Variants in INPP5F observed in about 807,000 individuals in gnomAD.
INPP5F encodes the protein phosphatidylinositide 4-phosphatase SAC2.
Under a neutral mutation model 137.2 loss-of-function variants are expected in INPP5F, and 97 were observed. The observed-to-expected ratio is 0.71, with a 90% CI of 0.60 to 0.84. The LOEUF is 0.84. Ranked by LOEUF, INPP5F falls within the 40% of genes least tolerant of loss-of-function variation. The probability of loss-of-function intolerance (pLI) is 0.00; values close to 1 mark genes in which losing one functional copy is unlikely to be tolerated. For synonymous variants in INPP5F, 504 were observed against 476.9 expected, an observed-to-expected ratio of 1.06 and a Z score of -0.74; for missense variants, 1,271 against 1,371.9, an observed-to-expected ratio of 0.93 and a Z score of 1.16.
chr10:119,732,647 A>G (rs1848114942), intron 1 of INPP5F, among the ~76,000 whole-genome samples: 1 of 151,128 alleles, frequency 6.6e-6, no homozygotes, highest in African/African-American at 2.4e-5. Flanking sequence ...ACTACAGGCT[A>G]CTGCCACCAT....
At chr10:119,753,552 C>G (rs1848747150) in intron 2 of INPP5F, among the ~76,000 whole-genome samples, 1 of 152,182 alleles carries the variant, frequency 6.6e-6, no homozygotes, top group South Asian at 2.1e-4. Context: ...CCTGGCCCCT[C>G]TCTCCATGTC....
intron 2 of INPP5F, among the ~76,000 whole-genome samples, chr10:119,775,132 G>C (rs562408030): frequency 3.3e-5 from 5 of 152,180 alleles, no homozygotes; most frequent in Admixed American, 1.3e-4. Context: ...TCTTCACTCA[G>C]ATTCTCTTTA....
chr10:119,775,617 T>G (rs1423620970), intron 2 of INPP5F, among the ~76,000 whole-genome samples: 2 of 152,114 alleles, frequency 1.3e-5, no homozygotes, highest in Non-Finnish European at 2.9e-5. Context: ...GGGTTTCTTC[T>G]TTACTTTCTA....
intron 2 of INPP5F, among the ~76,000 whole-genome samples, chr10:119,775,058 A>G (rs1849480076): frequency 6.6e-6 from 1 of 152,136 alleles, no homozygotes; most frequent in Non-Finnish European, 1.5e-5. Flanking sequence ...GTCATAATCT[A>G]AGTTCTCTAC....
In INPP5F at chr10:119,775,757, GCT is replaced by G. The variant is rs1219709971; in HGVS notation, c.179-5871_179-5870del. On this transcript the variant is annotated intron_variant, in intron 2 of 19. Transcript: ENST00000650623. ...TGGGTGGATTTGGTTTGATTATATT[GCT>G]CTCTCTACTTTTATGTATGTTTGAA... 3.0e-4 allele frequency among the ~76,000 whole-genome samples: 46 copies of G among 152,120 alleles called. 1 individual carries two copies. Among genetic ancestry groups the G allele is most frequent in the Admixed American group, 2.1e-3 (32 of 15,292 alleles).
rs35906079 is a variant in INPP5F, at chr10:119,746,783, A to ATT, written c.98-4276_98-4275dup. ...GATGACATGACATATAAGCAGCCAA[A>ATT]TTTTTTTTTTTTTTTTTTGAGACAG... On this transcript the variant is annotated intron_variant, in intron 1 of 19. Coordinates refer to ENST00000650623, the MANE Select transcript of INPP5F (RefSeq NM_014937.4). Among the ~76,000 whole-genome samples, 74 of 142,738 alleles carry ATT rather than the reference A, an allele frequency of 5.2e-4. 1 individual carries two copies. In the South Asian group the frequency reaches 8.5e-3, roughly 16 times the overall value. 93.6% of individuals were successfully genotyped at this position (142,738 alleles called of 152,430 possible).
In INPP5F at chr10:119,748,431, C is replaced by T. The variant is rs1032925682; in HGVS notation, c.98-2645C>T. On this transcript the variant is annotated intron_variant, in intron 1 of 19. Transcript: ENST00000650623. This position sits in a 1 kb window ranked among gnomAD's most constrained non-coding sequence, Gnocchi z 4.7. ...GGTGAGCAGGGGGCGTGTTTTGGTCCTGTTTGTGTTACAGCTTTTTCAGTC... is the reference window on the plus strand; with the variant it reads ...GGTGAGCAGGGGGCGTGTTTTGGTCTTGTTTGTGTTACAGCTTTTTCAGTC... 6.6e-6 allele frequency among the ~76,000 whole-genome samples: 1 copy of T among 152,186 alleles called. No homozygotes were observed. The highest frequency in any genetic ancestry group is 1.9e-4 in the East Asian group (1 of 5,190).
chr10:119,726,443 G>T, intron 1 of INPP5F, 84 bp downstream of exon 1: 1 of 764,222 alleles, frequency 1.3e-6, no homozygotes. Context: ...AGCCGGGCGG[G>T]AGGAGCCGCC....
intron 16 of INPP5F, 103 bp downstream of exon 16, chr10:119,821,020 T>TA: frequency 1.4e-6 from 1 of 733,102 alleles, no homozygotes; most frequent in Non-Finnish European, 2.4e-6. Context: ...ATGGTTTTGT[T>TA]ATGTATTTTA....
Position 119,791,842 on chromosome 10 carries a change from T to C in INPP5F, c.445-27T>C, listed in dbSNP as rs201822165. 2.0e-5 allele frequency: 30 copies of C among 1,522,092 alleles called. No homozygotes were observed. In the East Asian group the frequency reaches 6.8e-4, roughly 34 times the overall value. The allele number at this position is 1,522,092 out of a possible 1,614,324, so 94.3% of individuals were successfully genotyped here. On this transcript the variant is annotated intron_variant, in intron 4 of 19. Transcript: ENST00000650623. Reference sequence around the variant, plus strand: ...CAGACTACTTTACATTTAATTTCTGTAGTAATAGTAGATTAATTTCTTATA... The same window carrying C: ...CAGACTACTTTACATTTAATTTCTGCAGTAATAGTAGATTAATTTCTTATA...
intron 2 of INPP5F, among the ~76,000 whole-genome samples, chr10:119,779,534 C>T (rs1849636708): frequency 6.6e-6 from 1 of 151,996 alleles, no homozygotes; most frequent in African/African-American, 2.4e-5. Flanking sequence ...ATCCTCCTAC[C>T]TCAGCCTCCC....
In INPP5F at chr10:119,826,383, ATGC is replaced by A. The variant is rs1197662057; in HGVS notation, c.2250-243_2250-241del. Among the ~76,000 whole-genome samples, 22 of 152,336 alleles carry A rather than the reference ATGC, an allele frequency of 1.4e-4. 1 individual carries two copies. The highest frequency in any genetic ancestry group is 4.1e-4 in the African/African-American group (17 of 41,572). ...TTTTGTATATATTGGGTTAAATGAA[ATGC>A]TGCTAATTTCACTGCTGCTTTCTAA... On this transcript the variant is annotated intron_variant, in intron 19 of 19. Coordinates refer to ENST00000650623, the MANE Select transcript of INPP5F (RefSeq NM_014937.4).
At chr10:119,822,923 C>A in intron 17 of INPP5F, 148 bp from the exon 18 acceptor site, 1 of 689,816 alleles carries the variant, frequency 1.4e-6, no homozygotes, top group Non-Finnish European at 2.3e-6. Flanking sequence ...GTTCTTCTAG[C>A]CTTATCAAAC....
At chr10:119,772,804 C>T (rs1849405681) in intron 2 of INPP5F, among the ~76,000 whole-genome samples, 2 of 151,710 alleles carry the variant, frequency 1.3e-5, no homozygotes, top group African/African-American at 2.4e-5. Context: ...AGTGCAGTGG[C>T]GCAATCTTGG....
chr10:119,800,433 G>A (rs958681175), intron 9 of INPP5F, among the ~76,000 whole-genome samples: 7 of 151,308 alleles, frequency 4.6e-5, no homozygotes, highest in Non-Finnish European at 8.8e-5. Context: ...GGTGGCTTGT[G>A]CCTGTAATCC....
At chr10:119,781,361 A>G (rs749228329) in intron 2 of INPP5F, among the ~76,000 whole-genome samples, 29 of 152,190 alleles carry the variant, frequency 1.9e-4, no homozygotes, top group East Asian at 1.9e-4. Flanking sequence ...TCGCCAGCAC[A>G]TGTGTTGTCA....
At position 119,809,895 on chromosome 10, in the gene INPP5F, C is replaced by T. The variant is rs181534710; in HGVS notation, c.1570-205C>T. ...ACCATCTAACTGTGAAGACTTGATG[C>T]CACAAATAGCATTTGACAAGCTTAG... is the stretch of plus-strand genomic sequence containing the variant. On this transcript the variant is annotated intron_variant, in intron 13 of 19. Coordinates refer to ENST00000650623, the MANE Select transcript of INPP5F (RefSeq NM_014937.4). 5.3e-5 allele frequency among the ~76,000 whole-genome samples: 8 copies of T among 152,244 alleles called. No individual in the cohort carries two copies. In the East Asian group the frequency reaches 1.5e-3, roughly 29 times the overall value.
At chr10:119,749,019 C>T (rs1475744625) in intron 1 of INPP5F, among the ~76,000 whole-genome samples, 1 of 152,148 alleles carries the variant, frequency 6.6e-6, no homozygotes, top group African/African-American at 2.4e-5. Flanking sequence ...GGGGCTGAGG[C>T]GGCAGGGAGC....
chr10:119,798,570 G>A lies in INPP5F; in HGVS notation c.1076G>A (p.Cys359Tyr), dbSNP rs565460119. 6.2e-7 allele frequency: 1 copy of A among 1,612,392 alleles called. No homozygotes were observed. The highest frequency in any genetic ancestry group is 8.5e-7 in the Non-Finnish European group (1 of 1,179,202). Reference protein sequence around the residue: ...RSEKETVAYFCAHFEEQLNIY... With the variant: ...RSEKETVAYFYAHFEEQLNIY... The stretch of plus-strand genomic sequence containing the variant: ...GAAAAGGAAACTGTTGCCTATTTCT[G>A]TGCCCATTTCGAAGAACAACTGAAC... The change falls in exon 9 of 20, where the codon TGT becomes TAT. Residue 359 changes from cysteine (C) to tyrosine (Y), a missense_variant. By Grantham distance (194) the Cys-to-Tyr change is radical. Coordinates refer to ENST00000650623, the MANE Select transcript of INPP5F (RefSeq NM_014937.4).
Sources: gnomAD v4.1 joint callset for allele counts (sites outside exome capture counted in the v4.1 genomes callset) on GRCh38, gnomAD v4.1.1 for gene constraint, Gnocchi (gnomAD v3.1) non-coding constraint, MANE v1.5 for transcripts, NCBI Gene and HGNC (gene_info 2026-07-23, HGNC 2026-07-21) for gene names.